THSD7B: variants seen among roughly 807,000 people sequenced by gnomAD.
THSD7B encodes the protein thrombospondin type-1 domain-containing protein 7B.
THSD7B carries 138 observed loss-of-function variants against 213.6 expected under a neutral mutation model. The ratio of observed to expected loss-of-function variants is 0.65; its 90% CI spans 0.56 to 0.74. The LOEUF (loss-of-function observed/expected upper bound fraction) is 0.74. Ranked by LOEUF, THSD7B falls within the 30% of genes least tolerant of loss-of-function variation. The pLI is 0.00. For missense variants in THSD7B, 1,931 were observed against 1,991.5 expected (o/e 0.97, Z 0.58); for synonymous variants, 742 against 687.0 (o/e 1.08, Z -1.25).
chr2:137,033,199 G>T (rs1283429877), intron 2 of THSD7B, among the ~76,000 whole-genome samples: 1 of 152,160 alleles, frequency 6.6e-6, no homozygotes, highest in Non-Finnish European at 1.5e-5. Flanking sequence ...GCTGATACTG[G>T]CTAGACCTAG....
chr2:137,302,801 T>A (rs1052757252), intron 12 of THSD7B, among the ~76,000 whole-genome samples: 2 of 152,258 alleles, frequency 1.3e-5, no homozygotes, highest in Admixed American at 6.5e-5. Flanking sequence ...TGGATTTTAT[T>A]TTTAGAAAAC....
At chr2:136,935,464 A>T (rs1321457225) in intron 2 of THSD7B, among the ~76,000 whole-genome samples, 1 of 152,156 alleles carries the variant, frequency 6.6e-6, no homozygotes, top group Non-Finnish European at 1.5e-5. Context: ...ATTCTCCATG[A>T]TGTAGGGAAT....
chr2:136,925,368 G>A (rs753573700), intron 2 of THSD7B, among the ~76,000 whole-genome samples: 1 of 152,140 alleles, frequency 6.6e-6, no homozygotes, highest in Non-Finnish European at 1.5e-5. Flanking sequence ...TTTGTTGAAT[G>A]TTTTTATCAT....
In THSD7B at chr2:137,389,402, A is replaced by ACTTT. The variant is rs1685967896; in HGVS notation, c.2501-16211_2501-16210insCTTT. On this transcript the variant is annotated intron_variant, in intron 12 of 27. Transcript: ENST00000409968. ...GATAGTTTGACCACTTCTTAATGTG[A>ACTTT]TTTTTTTTTTTTTTTTTTTTTTTTT... Among the ~76,000 whole-genome samples, 33 of 38,068 alleles carry ACTTT rather than the reference A, an allele frequency of 8.7e-4. 6 individuals are homozygous for ACTTT. The highest frequency in any genetic ancestry group is 9.7e-4 in the Non-Finnish European group (22 of 22,794). The allele number at this position is 38,068 out of a possible 152,430, so 25.0% of individuals were successfully genotyped here. A position where few individuals can be genotyped will look rare whatever the true frequency, so the allele number is the denominator to read the frequency against.
At chr2:136,953,219 G>C (rs1309542714) in intron 2 of THSD7B, among the ~76,000 whole-genome samples, 1 of 152,140 alleles carries the variant, frequency 6.6e-6, no homozygotes, top group Non-Finnish European at 1.5e-5. Flanking sequence ...GGGCAGCAGA[G>C]GGCCTCTCTG....
At chr2:137,314,686 G>A (rs942428314) in intron 12 of THSD7B, among the ~76,000 whole-genome samples, 2 of 152,106 alleles carry the variant, frequency 1.3e-5, no homozygotes, top group Non-Finnish European at 2.9e-5. Context: ...TGAGTTTTTG[G>A]TGTGGATGTC....
chr2:137,011,979 A>T (rs1686238330), intron 2 of THSD7B, among the ~76,000 whole-genome samples: 1 of 152,182 alleles, frequency 6.6e-6, no homozygotes, highest in East Asian at 1.9e-4. Context: ...TAGACCACAT[A>T]AAAAATACGT....
At chr2:137,350,719 C>T (rs912964121) in intron 12 of THSD7B, among the ~76,000 whole-genome samples, 8 of 151,610 alleles carry the variant, frequency 5.3e-5, no homozygotes, top group African/African-American at 9.7e-5. Context: ...TTTGATAAAC[C>T]GGAGGAGACA....
chr2:136,825,451 T>C (rs1032126943), intron 1 of THSD7B, among the ~76,000 whole-genome samples: 7 of 152,180 alleles, frequency 4.6e-5, no homozygotes, highest in African/African-American at 1.7e-4. Context: ...CCTTGGCTTA[T>C]GGTCCCTTCC....
chr2:137,579,508 G>A (rs929000829), intron 17 of THSD7B, among the ~76,000 whole-genome samples: 1 of 151,532 alleles, frequency 6.6e-6, no homozygotes, highest in African/African-American at 2.4e-5. Context: ...TAATATGCAC[G>A]TGAGTACATG....
intron 14 of THSD7B, among the ~76,000 whole-genome samples, chr2:137,436,944 G>C (rs929868976): frequency 2.0e-5 from 3 of 152,094 alleles, no homozygotes; most frequent in Admixed American, 2.0e-4. Context: ...TGTGTGGCTT[G>C]TGTATTGTGT....
intron 2 of THSD7B, among the ~76,000 whole-genome samples, chr2:136,934,609 A>G (rs1160972822): frequency 6.6e-6 from 1 of 152,190 alleles, no homozygotes; most frequent in Non-Finnish European, 1.5e-5. Context: ...TCTTCTGTAG[A>G]TGAAGATAGA....
At chr2:137,449,014 A>G (rs1293945300) in intron 14 of THSD7B, among the ~76,000 whole-genome samples, 1 of 152,162 alleles carries the variant, frequency 6.6e-6, no homozygotes, top group African/African-American at 2.4e-5. Flanking sequence ...TTGACTTTTT[A>G]TTATAAAGGC....
At chr2:137,150,344 A>C (rs1410968299) in intron 5 of THSD7B, among the ~76,000 whole-genome samples, 3 of 152,106 alleles carry the variant, frequency 2.0e-5, no homozygotes, top group Non-Finnish European at 1.5e-5. Flanking sequence ...TTCCCACCCA[A>C]ATCTTATCTT....
intron 5 of THSD7B, among the ~76,000 whole-genome samples, chr2:137,127,544 CCTT>C (rs1244069733): frequency 1.3e-5 from 2 of 152,226 alleles, no homozygotes; most frequent in East Asian, 3.9e-4. Flanking sequence ...CTAATTCTAA[CCTT>C]CTGCTGGTGG....
chr2:137,243,589 A>C (rs1054256836), intron 10 of THSD7B, among the ~76,000 whole-genome samples: 1 of 152,212 alleles, frequency 6.6e-6, no homozygotes, highest in Non-Finnish European at 1.5e-5. Flanking sequence ...CTTTCCTTGG[A>C]TAATTCCAGC....
At chr2:136,808,987 C>T (rs1004114805) in intron 1 of THSD7B, among the ~76,000 whole-genome samples, 2 of 152,158 alleles carry the variant, frequency 1.3e-5, no homozygotes, top group Non-Finnish European at 2.9e-5. Flanking sequence ...CTCACTTGTT[C>T]ATCAAATAGT....
In THSD7B at chr2:137,358,529, A is replaced by G. The variant is rs530673911; in HGVS notation, c.2501-47084A>G. Among the ~76,000 whole-genome samples, 7 of 152,352 alleles carry G rather than the reference A, an allele frequency of 4.6e-5. No homozygotes were observed. The East Asian group carries it at 1.2e-3, about 25-fold the overall frequency. The stretch of plus-strand genomic sequence containing the variant: ...CCAAATAAATTTAACAAAATATCTT[A>G]AAAATACCACCCCTCTTATTGTTTT... On this transcript the variant is annotated intron_variant, in intron 12 of 27. Coordinates refer to ENST00000409968, the MANE Select transcript of THSD7B (RefSeq NM_001316349.2).
intron 2 of THSD7B, among the ~76,000 whole-genome samples, chr2:137,006,734 T>A (rs1686121806): frequency 1.3e-5 from 2 of 152,242 alleles, no homozygotes. Context: ...TCTCATTTCC[T>A]ATTTGTTAAA....
Sources: allele counts gnomAD v4.1 joint callset (sites outside exome capture counted in the v4.1 genomes callset), GRCh38; gene constraint gnomAD v4.1.1; transcripts MANE v1.5; gene names NCBI Gene and HGNC (gene_info 2026-07-23, HGNC 2026-07-21).